Variants in PCDHGA1 observed in about 807,000 individuals in gnomAD.
The protein encoded by PCDHGA1 is protocadherin gamma subfamily A, 1, also known as protocadherin gamma-A1.
In PCDHGA1, 32 loss-of-function variants were observed where a neutral mutation model predicts 58.0. The ratio of observed to expected loss-of-function variants is 0.55; its 90% confidence interval spans 0.42 to 0.74. The LOEUF (loss-of-function observed/expected upper bound fraction) is 0.74. PCDHGA1 is among the 30% of genes least tolerant of loss of function. The pLI, the probability that PCDHGA1 is intolerant of heterozygous loss-of-function variation, is 0.00. For missense variants in PCDHGA1, 1,205 were observed against 1,182.3 expected, an observed-to-expected ratio of 1.02 and a Z score of -0.28; for synonymous variants, 498 against 501.1, an observed-to-expected ratio of 0.99 and a Z score of 0.08.
At chr5:141,376,221 C>A (rs919176873) in intron 1 of PCDHGA1, 8 of 1,614,216 alleles carry the variant, frequency 5.0e-6, no homozygotes, top group Middle Eastern at 1.7e-4. Context: ...GTGCTGCTGG[C>A]GCTCAGACTG....
intron 1 of PCDHGA1, chr5:141,382,734 G>A: frequency 1.8e-6 from 1 of 566,662 alleles, no homozygotes; most frequent in South Asian, 3.4e-5. Context: ...ACAGCACAGA[G>A]AAACGACAGA....
rs759084093 is a variant in PCDHGA1 at position 141,340,199 on chromosome 5, C to T, written c.2421+7094C>T. 6.2e-7 allele frequency: 1 copy of T among 1,614,174 alleles called. No individual in the cohort carries two copies. The highest frequency in any genetic ancestry group is 8.5e-7 in the Non-Finnish European group (1 of 1,180,020). ...CTACCGACTGGTTACAACCAGAGCC[C>T]TTGACAGGGAACAGTTTTCCTTTTA... is the stretch of plus-strand genomic sequence containing the variant. On this transcript the variant is annotated intron_variant, in intron 1 of 3. Transcript: ENST00000517417.
At position 141,486,417 on chromosome 5, in the gene PCDHGA1, G is replaced by T. The variant is rs1298448753; in HGVS notation, c.2422-8390G>T. On this transcript the variant is annotated intron_variant, in intron 1 of 3. Transcript: ENST00000517417. The surrounding 1 kb of genome is among the most constrained non-coding windows in gnomAD (Gnocchi z 5.0). ...CTGGTGACTGCTGGACCCTTGGATCGAGAGGCCAAATCTAGCTATGACATC... is the reference window on the plus strand; with the variant it reads ...CTGGTGACTGCTGGACCCTTGGATCTAGAGGCCAAATCTAGCTATGACATC... The T allele has an allele frequency of 6.2e-7, 1 of 1,614,014 alleles. No homozygotes were observed. The highest frequency in any genetic ancestry group is 1.7e-5 in the Admixed American group (1 of 60,010).
rs752058135 is a variant in PCDHGA1, at chr5:141,344,092, T to C, written c.2421+10987T>C. 14 of 1,613,428 alleles carry C rather than the reference T, an allele frequency of 8.7e-6. No individual in the cohort carries two copies. The African/African-American group carries it at 1.5e-4, about 17-fold the overall frequency. ...GGACTGGCCCTGCTGTGCGCGCTCC[T>C]GGGGACGCTGTGCGAAACAGGATCC... On this transcript the variant is annotated intron_variant, in intron 1 of 3. Transcript: ENST00000517417.
At chr5:141,370,547 C>T in intron 1 of PCDHGA1, 1 of 1,613,888 alleles carries the variant, frequency 6.2e-7, no homozygotes, top group Non-Finnish European at 8.5e-7. Flanking sequence ...GGAACCTCGC[C>T]AAGGACCTGG....
At chr5:141,492,755 C>T (rs938918009) in intron 1 of PCDHGA1, among the ~76,000 whole-genome samples, 3 of 152,262 alleles carry the variant, frequency 2.0e-5, no homozygotes, top group African/African-American at 7.2e-5. Flanking sequence ...CGCGGCAGGG[C>T]TCCGCGTTGG....
In PCDHGA1 at chr5:141,399,258, G is replaced by T; in HGVS notation, c.2421+66153G>T. On this transcript the variant is annotated intron_variant, in intron 1 of 3. Coordinates refer to ENST00000517417, the MANE Select transcript of PCDHGA1 (RefSeq NM_018912.3). ...ACCAAGATTCTGGGGAAAATGGGGA[G>T]GTTAATTGTCAATTACAAGGCGAAG... 4 of 1,613,870 alleles carry T rather than the reference G, an allele frequency of 2.5e-6. No homozygotes were observed. Among genetic ancestry groups the T allele is most frequent in the East Asian group, 2.2e-5 (1 of 44,878 alleles).
chr5:141,357,409 G>A, intron 1 of PCDHGA1: 4 of 1,614,250 alleles, frequency 2.5e-6, no homozygotes, highest in Non-Finnish European at 2.5e-6. Flanking sequence ...AGGTGTGCCT[G>A]CCTCGCACTT....
intron 2 of PCDHGA1, among the ~76,000 whole-genome samples, chr5:141,500,008 C>T (rs1027220192): frequency 6.6e-6 from 1 of 151,770 alleles, no homozygotes; most frequent in African/African-American, 2.4e-5. Flanking sequence ...TTCATAAGGT[C>T]CACATTTTAT....
chr5:141,344,103 T>TGCG (rs2149732646), intron 1 of PCDHGA1: 1 of 1,613,920 alleles, frequency 6.2e-7, no homozygotes, highest in East Asian at 2.2e-5. Context: ...GGGGACGCTG[T>TGCG]GCGAAACAGG....
chr5:141,384,769 G>C (rs778610936), intron 1 of PCDHGA1: 1 of 1,613,914 alleles, frequency 6.2e-7, no homozygotes, highest in Non-Finnish European at 8.5e-7. Context: ...GCTGTACACG[G>C]GCGAGGTGCG....
intron 2 of PCDHGA1, among the ~76,000 whole-genome samples, chr5:141,501,333 A>ACACC (rs1186649373): frequency 5.5e-4 from 77 of 140,128 alleles, no homozygotes; most frequent in African/African-American, 6.0e-4. Context: ...ACACACACAC[A>ACACC]CCCCAAACTC....
At chr5:141,427,923 C>T (rs2097089935) in intron 1 of PCDHGA1, 3 of 1,580,656 alleles carry the variant, frequency 1.9e-6, no homozygotes, top group African/African-American at 1.3e-5. Context: ...CATGAGCCGG[C>T]GCATGTTGGT....
chr5:141,366,351 A>T, intron 1 of PCDHGA1: 1 of 1,613,946 alleles, frequency 6.2e-7, no homozygotes, highest in Non-Finnish European at 8.5e-7. Context: ...ATCCTGGCTG[A>T]CCTAGGCAGT....
chr5:141,331,415 A>G lies in PCDHGA1; in HGVS notation c.731A>G (p.Gln244Arg). The G allele has an allele frequency of 6.2e-7, 1 of 1,614,196 alleles. No homozygotes were observed. The highest frequency in any genetic ancestry group is 2.2e-5 in the East Asian group (1 of 44,882). Reference sequence around the variant, plus strand: ...AATGACAATCCTCCAGCATTTACTCAGGCACAATACCATATAAATGTCCCC... The same window carrying G: ...AATGACAATCCTCCAGCATTTACTCGGGCACAATACCATATAAATGTCCCC... Reference protein sequence around the residue: ...DANDNPPAFTQAQYHINVPEN... With the variant: ...DANDNPPAFTRAQYHINVPEN... Residue 244 changes from glutamine to arginine, a missense_variant, in exon 1 of 4, where the codon CAG becomes CGG. Coordinates refer to ENST00000517417, the MANE Select transcript of PCDHGA1 (RefSeq NM_018912.3).
intron 1 of PCDHGA1, chr5:141,441,621 G>T: frequency 4.5e-6 from 1 of 223,408 alleles, no homozygotes; most frequent in South Asian, 5.2e-5. Context: ...CGTGGCCAGT[G>T]ACCTGGAGCC....
At chr5:141,336,247 A>G (rs1202708599) in intron 1 of PCDHGA1, among the ~76,000 whole-genome samples, 1 of 152,148 alleles carries the variant, frequency 6.6e-6, no homozygotes, top group Non-Finnish European at 1.5e-5. Context: ...GCCAGGCACA[A>G]TGGCACACCT....
rs1758904827 is a variant in PCDHGA1 at position 141,352,057 on chromosome 5, G to A, written c.2421+18952G>A. 5 of 1,606,652 alleles carry A rather than the reference G, an allele frequency of 3.1e-6. No individual in the cohort carries two copies. In the African/African-American group the frequency reaches 4.0e-5, roughly 13 times the overall value. On this transcript the variant is annotated intron_variant, in intron 1 of 3. Coordinates refer to ENST00000517417, the MANE Select transcript of PCDHGA1 (RefSeq NM_018912.3). ...ACGCAGACTCAGGACACAACGCTTG[G>A]CTGTCCTACCACGTGCTGCAGGCCA... is the stretch of plus-strand genomic sequence containing the variant.
rs747138327 is a variant in PCDHGA1, at chr5:141,346,387, G to A, written c.2421+13282G>A. 5.0e-5 allele frequency: 80 copies of A among 1,614,150 alleles called. No homozygotes were observed. Among genetic ancestry groups the A allele is most frequent in the Non-Finnish European group, 5.1e-5 (60 of 1,180,064 alleles). ...GACACGCTCATCAGCCAGGAGAGCT[G>A]TGAGAAAAGCGAGCCTCTTCTGATA... On this transcript the variant is annotated intron_variant, in intron 1 of 3. Coordinates refer to ENST00000517417, the MANE Select transcript of PCDHGA1 (RefSeq NM_018912.3).
Sources: gnomAD v4.1 joint callset for allele counts (sites outside exome capture counted in the v4.1 genomes callset) on GRCh38, gnomAD v4.1.1 for gene constraint, Gnocchi (gnomAD v3.1) non-coding constraint, MANE v1.5 for transcripts, NCBI Gene and HGNC (gene_info 2026-07-23, HGNC 2026-07-21) for gene names.